EHMT1: variants seen among roughly 807,000 people sequenced by gnomAD.
EHMT1 encodes euchromatic histone lysine methyltransferase 1, also known as histone-lysine N-methyltransferase EHMT1.
Under a neutral mutation model 147.2 loss-of-function variants are expected in EHMT1, and 15 were observed. The ratio of observed to expected loss-of-function variants is 0.10; its 90% CI spans 0.07 to 0.16. The LOEUF (loss-of-function observed/expected upper bound fraction) is 0.16. Ranked by LOEUF, EHMT1 falls within the 10% of genes least tolerant of loss-of-function variation. The probability of loss-of-function intolerance (pLI) is 1.00; values close to 1 mark genes in which losing one functional copy is unlikely to be tolerated. For synonymous variants in EHMT1, 795 were observed against 709.6 expected, an observed-to-expected ratio of 1.12 and a Z score of -1.91; for missense variants, 1,587 against 1,772.4, an observed-to-expected ratio of 0.90 and a Z score of 1.88.
At chr9:137,666,720 T>C (rs972892339) in intron 1 of EHMT1, among the ~76,000 whole-genome samples, 4 of 152,182 alleles carry the variant, frequency 2.6e-5, no homozygotes, top group Non-Finnish European at 5.9e-5. Flanking sequence ...GGTTGTGTGA[T>C]GATCCTGTCT....
intron 3 of EHMT1, among the ~76,000 whole-genome samples, chr9:137,724,913 G>T (rs1234949931): frequency 9.1e-6 from 1 of 109,490 alleles, no homozygotes; most frequent in Non-Finnish European, 2.2e-5. Flanking sequence ...CATTCGTTGG[G>T]CATTCGTGTG....
At chr9:137,715,502 T>C in intron 2 of EHMT1, 6 of 978,056 alleles carry the variant, frequency 6.1e-6, no homozygotes, top group Non-Finnish European at 7.3e-6. Flanking sequence ...TCTGTTGTGC[T>C]CGAGGTGATA....
At chr9:137,629,440 C>T (rs1346980878) in intron 1 of EHMT1, among the ~76,000 whole-genome samples, 1 of 151,704 alleles carries the variant, frequency 6.6e-6, no homozygotes, top group African/African-American at 2.4e-5. Flanking sequence ...GTTGCCCAGG[C>T]TGGAGTGCAG....
In EHMT1 at chr9:137,713,147, A is replaced by G. The variant is rs529356626; in HGVS notation, c.85+2117A>G. Among the ~76,000 whole-genome samples, 9 of 152,210 alleles carry G rather than the reference A, an allele frequency of 5.9e-5. No individual in the cohort carries two copies. The East Asian group carries it at 1.7e-3, about 29-fold the overall frequency. On this transcript the variant is annotated intron_variant, in intron 2 of 26. Transcript: ENST00000460843. ...TAGACAGGGTCTCCCTCTGTAATCC[A>G]GGCTGGAGTGTGATCATGGCTTACT...
At chr9:137,715,878 A>G (rs753274009) in intron 2 of EHMT1, 93 of 972,148 alleles carry the variant, frequency 9.6e-5, no homozygotes, top group Non-Finnish European at 1.1e-4. Flanking sequence ...GATTCCCCAA[A>G]CTTAACCAAC....
At chr9:137,735,968 C>T (rs1947498897) in intron 4 of EHMT1, among the ~76,000 whole-genome samples, 1 of 152,128 alleles carries the variant, frequency 6.6e-6, no homozygotes, top group Admixed American at 6.5e-5. Flanking sequence ...GGAGACAAAT[C>T]TCTTTATCTT....
At chr9:137,733,444 C>T (rs189422646) in intron 4 of EHMT1, among the ~76,000 whole-genome samples, 1 of 152,360 alleles carries the variant, frequency 6.6e-6, no homozygotes, top group African/African-American at 2.4e-5. Flanking sequence ...AACAGTTCCA[C>T]TGGCAGAATC....
rs1035839714 is a variant in EHMT1, at chr9:137,814,142, C to T, written c.3181-289C>T. 2.4e-5 allele frequency: 11 copies of T among 457,726 alleles called. No homozygotes were observed. The East Asian group carries it at 2.6e-4, about 11-fold the overall frequency. The allele number at this position is 457,726 out of a possible 1,614,324, so 28.4% of individuals were successfully genotyped here. On this transcript the variant is annotated intron_variant, in intron 21 of 26. Transcript: ENST00000460843. ...CCCATCGAGCATCTGGCCACAAATG[C>T]AGCCGCCGCCCAGCCCTTCACCCAC...
chr9:137,654,393 A>C (rs1191227623), intron 1 of EHMT1, among the ~76,000 whole-genome samples: 9 of 80,032 alleles, frequency 1.1e-4, no homozygotes, highest in African/African-American at 4.0e-4. Context: ...CCCCCCCACC[A>C]AAAAAAAAAG....
At chr9:137,670,224 G>C (rs903503132) in intron 1 of EHMT1, among the ~76,000 whole-genome samples, 1 of 152,024 alleles carries the variant, frequency 6.6e-6, no homozygotes, top group Non-Finnish European at 1.5e-5. Flanking sequence ...CCTTCTTTGC[G>C]CCAAACTCCT....
rs552192218 is a variant in EHMT1 at position 137,692,361 on chromosome 9, T to C, written c.22-18606T>C. Among the ~76,000 whole-genome samples the C allele has an allele frequency of 4.7e-5, 7 of 149,972 alleles. No individual in the cohort carries two copies. In the South Asian group the frequency reaches 1.1e-3, roughly 23 times the overall value. Reference sequence around the variant, plus strand: ...CTCACTGCAACCTCCGCCTCCTGGGTTCAAGCAATTCTCCTGCCTCAGCCT... The same window carrying C: ...CTCACTGCAACCTCCGCCTCCTGGGCTCAAGCAATTCTCCTGCCTCAGCCT... On this transcript the variant is annotated intron_variant, in intron 1 of 26. Coordinates refer to ENST00000460843, the MANE Select transcript of EHMT1 (RefSeq NM_024757.5).
Position 137,776,790 on chromosome 9 carries a change from C to T in EHMT1, c.1964C>T (p.Pro655Leu). 1 of 1,614,032 alleles carries T rather than the reference C, an allele frequency of 6.2e-7. No homozygotes were observed. The highest frequency in any genetic ancestry group is 1.1e-5 in the South Asian group (1 of 91,074). ...ACCACCTCGACCGTGACACCAGTCC[C>T]CGGGCAGGAGAAGGGCTCGGCCCTG... ...ADTTSTVTPV[P>L]GQEKGSALEG... Residue 655 changes from proline (P) to leucine (L), a missense_variant, in exon 12 of 27, where the codon CCC becomes CTC. Pro to Leu is a moderately conservative substitution (Grantham distance 98, BLOSUM62 -3). This residue lies in a region of EHMT1 where 124 missense variants were observed against 197.8 expected (regional missense o/e 0.63). Coordinates refer to ENST00000460843, the MANE Select transcript of EHMT1 (RefSeq NM_024757.5). This position sits in a 1 kb window ranked among gnomAD's most constrained non-coding sequence, Gnocchi z 4.4.
chr9:137,766,716 G>A (rs1205386209), intron 10 of EHMT1, among the ~76,000 whole-genome samples: 2 of 152,152 alleles, frequency 1.3e-5, no homozygotes, highest in African/African-American at 2.4e-5. Context: ...TGTTTGCACC[G>A]TACGTCATTT....
chr9:137,822,934 T>C (rs903282062), intron 25 of EHMT1, among the ~76,000 whole-genome samples: 5 of 150,890 alleles, frequency 3.3e-5, no homozygotes, highest in Non-Finnish European at 7.4e-5. Context: ...GTTGTTGTTG[T>C]TTGTTTGTTT....
At chr9:137,736,351 G>C (rs1339459681) in intron 4 of EHMT1, among the ~76,000 whole-genome samples, 4 of 152,196 alleles carry the variant, frequency 2.6e-5, no homozygotes, top group African/African-American at 9.7e-5. Flanking sequence ...ATTGAAGGGA[G>C]ACATAGACAA....
intron 14 of EHMT1, 124 bp downstream of exon 14, chr9:137,779,841 C>A: frequency 9.4e-7 from 1 of 1,065,340 alleles, no homozygotes; most frequent in Non-Finnish European, 1.4e-6. Flanking sequence ...TCTGTGTCTC[C>A]GAGTTCTCTG....
At chr9:137,834,564 CG>C in intron 26 of EHMT1, 40 bp downstream of exon 26, 1 of 1,607,108 alleles carries the variant, frequency 6.2e-7, no homozygotes, top group South Asian at 1.1e-5. Context: ...CCGCTGCCGG[CG>C]GGACGGTTTT....
intron 3 of EHMT1, 53 bp downstream of exon 3, chr9:137,717,235 A>G (rs991972977): frequency 8.8e-6 from 14 of 1,592,670 alleles, no homozygotes; most frequent in African/African-American, 1.3e-5. Flanking sequence ...TTTTGTTTTA[A>G]TAACGGCAAA....
chr9:137,737,825 T>C (rs1310206586), intron 4 of EHMT1, among the ~76,000 whole-genome samples: 1 of 152,134 alleles, frequency 6.6e-6, no homozygotes, highest in East Asian at 1.9e-4. Flanking sequence ...AAATCCTATG[T>C]CTGATGAGGA....
Sources: gnomAD v4.1 joint callset for allele counts (sites outside exome capture counted in the v4.1 genomes callset) on GRCh38, gnomAD v4.1.1 for gene constraint, gnomAD v4.1.1 regional missense constraint, Gnocchi (gnomAD v3.1) non-coding constraint, MANE v1.5 for transcripts, NCBI Gene and HGNC (gene_info 2026-07-23, HGNC 2026-07-21) for gene names.